VWA8: variants seen among roughly 807,000 people sequenced by gnomAD.
VWA8 encodes von Willebrand factor A domain-containing protein 8.
In VWA8, 221 loss-of-function variants were observed where a neutral mutation model predicts 241.5. The observed-to-expected ratio is 0.91, with a 90% CI of 0.82 to 1.02. The LOEUF (loss-of-function observed/expected upper bound fraction) is 1.02. VWA8 is among the 50% of genes least tolerant of loss of function. The pLI, the probability that VWA8 is intolerant of heterozygous loss-of-function variation, is 0.00. For synonymous variants in VWA8, 852 were observed against 827.1 expected (o/e 1.03, Z -0.52); for missense variants, 2,322 against 2,328.7 (o/e 1.00, Z 0.06).
At chr13:41,782,786 C>A (rs1431701035) in intron 19 of VWA8, among the ~76,000 whole-genome samples, 1 of 151,680 alleles carries the variant, frequency 6.6e-6, no homozygotes, top group Non-Finnish European at 1.5e-5. Flanking sequence ...AATACACAGC[C>A]ACTTGACAGA....
At chr13:41,576,743 C>T (rs2044353122) in intron 42 of VWA8, among the ~76,000 whole-genome samples, 1 of 152,232 alleles carries the variant, frequency 6.6e-6, no homozygotes, top group African/African-American at 2.4e-5. Context: ...TGTCCTCCCA[C>T]TTTGATAAAA....
At chr13:41,728,150 C>G (rs1474567460) in intron 23 of VWA8, among the ~76,000 whole-genome samples, 1 of 136,944 alleles carries the variant, frequency 7.3e-6, no homozygotes, top group Non-Finnish European at 1.7e-5. Context: ...AGAGCCTACT[C>G]TCATTTTTTT....
intron 17 of VWA8, among the ~76,000 whole-genome samples, chr13:41,791,321 T>G (rs1869452727): frequency 6.6e-6 from 1 of 151,864 alleles, no homozygotes; most frequent in Non-Finnish European, 1.5e-5. Context: ...AAATAAGAAT[T>G]TTTTGTGGTC....
At position 41,682,020 on chromosome 13, in the gene VWA8, T is replaced by C. The variant is rs866931128; in HGVS notation, c.4327+3027A>G. 5.3e-5 allele frequency among the ~76,000 whole-genome samples: 8 copies of C among 152,182 alleles called. No individual in the cohort carries two copies. The South Asian group carries it at 1.7e-3, about 31-fold the overall frequency. ...TATCCTAAGGACAATGTGACCTGAG[T>C]TGTGTTTTAAAATATTACTTTCTGA... is the stretch of plus-strand genomic sequence containing the variant. On this transcript the variant is annotated intron_variant, in intron 35 of 44. Transcript: ENST00000379310.
intron 2 of VWA8, among the ~76,000 whole-genome samples, chr13:41,922,440 T>C (rs1048261522): frequency 2.0e-5 from 3 of 152,234 alleles, no homozygotes; most frequent in Admixed American, 2.0e-4. Context: ...AAATGGGATC[T>C]AATTAAACTA....
Position 41,603,430 on chromosome 13 carries a change from T to A in VWA8, c.4986+1738A>T, listed in dbSNP as rs1392522870. On this transcript the variant is annotated intron_variant, in intron 40 of 44. Coordinates refer to ENST00000379310, the MANE Select transcript of VWA8 (RefSeq NM_015058.2). ...TTATCTAAAGCACTGATCTGAGGAT[T>A]AAATGTGATAGTGCTTGTAAAAGCA... Among the ~76,000 whole-genome samples, 4 of 152,174 alleles carry A rather than the reference T, an allele frequency of 2.6e-5. No individual in the cohort carries two copies. In the East Asian group the frequency reaches 7.7e-4, roughly 29 times the overall value.
At chr13:41,721,334 T>G (rs771346903) in intron 25 of VWA8, 36 bp downstream of exon 25, 1 of 1,603,242 alleles carries the variant, frequency 6.2e-7, no homozygotes, top group Non-Finnish European at 8.5e-7. Context: ...AAAAAGAGAG[T>G]GATGGCTCTT....
rs182488726 is a variant in VWA8, at chr13:41,840,590, G to A, written c.1426-7059C>T. 7.0e-4 allele frequency among the ~76,000 whole-genome samples: 106 copies of A among 151,742 alleles called. No individual in the cohort carries two copies. In the East Asian group the frequency reaches 8.3e-3, roughly 12 times the overall value. ...CTGGGCAACAAGGCAAAACCCCATC[G>A]CTACAAAAACTACAAAAAATTTGCC... On this transcript the variant is annotated intron_variant, in intron 12 of 44. Coordinates refer to ENST00000379310, the MANE Select transcript of VWA8 (RefSeq NM_015058.2).
intron 43 of VWA8, among the ~76,000 whole-genome samples, chr13:41,571,233 C>T (rs2044299171): frequency 6.6e-6 from 1 of 151,882 alleles, no homozygotes; most frequent in Admixed American, 6.6e-5. Flanking sequence ...AGCGGTCATT[C>T]TGCTTACCAA....
chr13:41,957,776 A>G (rs915063630), intron 1 of VWA8, among the ~76,000 whole-genome samples: 11 of 152,146 alleles, frequency 7.2e-5, no homozygotes, highest in East Asian at 1.9e-4. Context: ...GGGTATTTCT[A>G]TAAACAAATT....
chr13:41,699,066 A>C lies in VWA8; in HGVS notation c.3564+5T>G. On this transcript the variant is annotated splice_donor_5th_base_variant and intron_variant, in intron 29 of 44. Transcript: ENST00000379310. ...CTCACATAATTGTAGCCTGGTGTGCATTACCTGCTGCTCATGGAGAACCAC... is the reference window on the plus strand; with the variant it reads ...CTCACATAATTGTAGCCTGGTGTGCCTTACCTGCTGCTCATGGAGAACCAC... 1 of 1,613,864 alleles carries C rather than the reference A, an allele frequency of 6.2e-7. No individual in the cohort carries two copies. Among genetic ancestry groups the C allele is most frequent in the South Asian group, 1.1e-5 (1 of 91,076 alleles).
In VWA8 at chr13:41,834,171, C is replaced by T. The variant is rs544513798; in HGVS notation, c.1426-640G>A. 2.0e-5 allele frequency among the ~76,000 whole-genome samples: 3 copies of T among 152,278 alleles called. No homozygotes were observed. In the South Asian group the frequency reaches 6.2e-4, roughly 32 times the overall value. ...TTTTTAAAAGCACACACACAATGTGCTAACAATAAAATAGTGTAACAGACT... is the reference window on the plus strand; with the variant it reads ...TTTTTAAAAGCACACACACAATGTGTTAACAATAAAATAGTGTAACAGACT... On this transcript the variant is annotated intron_variant, in intron 12 of 44. Coordinates refer to ENST00000379310, the MANE Select transcript of VWA8 (RefSeq NM_015058.2).
chr13:41,855,338 T>TA (rs1474306226), intron 12 of VWA8, among the ~76,000 whole-genome samples: 5 of 145,104 alleles, frequency 3.4e-5, no homozygotes, highest in Admixed American at 7.0e-5. Flanking sequence ...ATATAATATA[T>TA]AATATATAAA....
At chr13:41,899,667 C>T (rs1269648729) in intron 4 of VWA8, among the ~76,000 whole-genome samples, 2 of 152,100 alleles carry the variant, frequency 1.3e-5, no homozygotes, top group African/African-American at 4.8e-5. Flanking sequence ...TCAAAAAGTA[C>T]TATCAAACTT....
intron 1 of VWA8, 104 bp downstream of exon 1, chr13:41,960,749 C>T: frequency 7.2e-7 from 1 of 1,387,620 alleles, no homozygotes; most frequent in Non-Finnish European, 9.4e-7. Context: ...GGCAAACGGT[C>T]CTTCCAAGCG....
intron 2 of VWA8, among the ~76,000 whole-genome samples, chr13:41,942,476 CAGG>C (rs1877645089): frequency 1.3e-5 from 2 of 152,102 alleles, no homozygotes. Flanking sequence ...GGTAGAATGG[CAGG>C]AGGAGAAACA....
intron 12 of VWA8, among the ~76,000 whole-genome samples, chr13:41,848,725 G>T (rs1872396154): frequency 6.6e-6 from 1 of 152,108 alleles, no homozygotes; most frequent in Non-Finnish European, 1.5e-5. Context: ...CTAGTCTTGG[G>T]TATTTCTTCA....
rs528711448 is a variant in VWA8, at chr13:41,708,812, T to C, written c.3117-5401A>G. Among the ~76,000 whole-genome samples the C allele has an allele frequency of 2.6e-5, 4 of 152,334 alleles. No homozygotes were observed. The South Asian group carries it at 8.3e-4, about 32-fold the overall frequency. On this transcript the variant is annotated intron_variant, in intron 26 of 44. Coordinates refer to ENST00000379310, the MANE Select transcript of VWA8 (RefSeq NM_015058.2). The stretch of plus-strand genomic sequence containing the variant: ...CCAGAATGACACTGTAGTTTAGTGC[T>C]GTTGCCCAGCGTCACTCAGAGCCAA...
rs150755058 is a variant in VWA8, at chr13:41,673,585, G to A, written c.4409+1630C>T. 2.6e-3 allele frequency among the ~76,000 whole-genome samples: 396 copies of A among 151,928 alleles called. 2 individuals are homozygous for A. The highest frequency in any genetic ancestry group is 0.015 in the South Asian group (71 of 4,816). On this transcript the variant is annotated intron_variant, in intron 36 of 44. Transcript: ENST00000379310. ...ACATACTGAATTTCAGAGACTTAGG[G>A]AAAAAAAGGAATGTAAAATATTTCA...
Sources: allele counts gnomAD v4.1 joint callset (sites outside exome capture counted in the v4.1 genomes callset), GRCh38; gene constraint gnomAD v4.1.1; transcripts MANE v1.5; gene names NCBI Gene and HGNC (gene_info 2026-07-23, HGNC 2026-07-21).